Variants in NAALADL2 observed in about 807,000 individuals in gnomAD.
NAALADL2 encodes the protein inactive N-acetylated-alpha-linked acidic dipeptidase-like protein 2.
In NAALADL2, 76 loss-of-function variants were observed where a neutral mutation model predicts 87.2. The ratio of observed to expected loss-of-function variants is 0.87; its 90% CI spans 0.72 to 1.05. The LOEUF (loss-of-function observed/expected upper bound fraction) is 1.05, where lower values mean the gene tolerates loss of function less well. Ranked by LOEUF, NAALADL2 falls within the 50% of genes least tolerant of loss-of-function variation. The pLI, the probability that NAALADL2 is intolerant of heterozygous loss-of-function variation, is 0.00. For missense variants in NAALADL2, 1,089 were observed against 945.8 expected (o/e 1.15, Z -1.99); for synonymous variants, 354 against 331.0 (o/e 1.07, Z -0.75).
At chr3:175,669,240 G>A (rs1037676935) in intron 11 of NAALADL2, among the ~76,000 whole-genome samples, 26 of 152,126 alleles carry the variant, frequency 1.7e-4, no homozygotes, top group East Asian at 1.4e-3. Flanking sequence ...TGAGTTAAAG[G>A]TACTGATGAC....
At chr3:175,627,074 A>G (rs1027980970) in intron 10 of NAALADL2, among the ~76,000 whole-genome samples, 4 of 151,814 alleles carry the variant, frequency 2.6e-5, no homozygotes, top group Non-Finnish European at 4.4e-5. Flanking sequence ...TATTTATTCT[A>G]TCAAACAAGA....
chr3:175,546,375 T>C (rs115284130), intron 9 of NAALADL2, among the ~76,000 whole-genome samples: 4,709 of 152,204 alleles, frequency 0.031, 172 homozygotes, highest in African/African-American at 0.08. Context: ...AATTGGGGCA[T>C]GTAGCGCATT....
chr3:175,003,089 A>T (rs1748462046), intron 1 of NAALADL2, among the ~76,000 whole-genome samples: 1 of 152,216 alleles, frequency 6.6e-6, no homozygotes, highest in African/African-American at 2.4e-5. Flanking sequence ...TATCTGCAAG[A>T]CTTTTTTACC....
At position 175,081,462 on chromosome 3, in the gene NAALADL2, A is replaced by T. The variant is rs574182927; in HGVS notation, c.44-15328A>T. On this transcript the variant is annotated intron_variant, in intron 1 of 13. Coordinates refer to ENST00000454872, the MANE Select transcript of NAALADL2 (RefSeq NM_207015.3). ...TACCAGCTTCTCCTTGATTTATATT[A>T]TTTTGTGAAACTCAAATGTCATGGT... 3.9e-5 allele frequency among the ~76,000 whole-genome samples: 6 copies of T among 152,192 alleles called. No homozygotes were observed. The South Asian group carries it at 1.0e-3, about 26-fold the overall frequency.
At chr3:175,104,426 G>A (rs1030869076) in intron 2 of NAALADL2, among the ~76,000 whole-genome samples, 1 of 152,138 alleles carries the variant, frequency 6.6e-6, no homozygotes, top group Admixed American at 6.6e-5. Context: ...AACATAAGAT[G>A]TTGCTGTTGT....
intron 2 of NAALADL2, among the ~76,000 whole-genome samples, chr3:174,693,829 T>C (rs1728797210): frequency 6.6e-6 from 1 of 152,074 alleles, no homozygotes; most frequent in South Asian, 2.1e-4. Flanking sequence ...TGCGTGCCAC[T>C]CTCCCTCTTC....
intron 1 of NAALADL2, among the ~76,000 whole-genome samples, chr3:174,997,623 A>G (rs1747683488): frequency 6.6e-6 from 1 of 152,060 alleles, no homozygotes; most frequent in Non-Finnish European, 1.5e-5. Context: ...TCAGGGGTTC[A>G]AGACCAGCCT....
At chr3:175,719,137 C>A (rs188814793) in intron 11 of NAALADL2, among the ~76,000 whole-genome samples, 43 of 151,674 alleles carry the variant, frequency 2.8e-4, no homozygotes, top group African/African-American at 9.7e-4. Context: ...ATCAGGTTGT[C>A]AAGCAGGGGT....
At chr3:174,793,143 A>G (rs754982914) in intron 3 of NAALADL2, among the ~76,000 whole-genome samples, 4 of 152,272 alleles carry the variant, frequency 2.6e-5, no homozygotes, top group South Asian at 2.1e-4. Context: ...TAAAGAAACA[A>G]TATTTCAACT....
intron 11 of NAALADL2, among the ~76,000 whole-genome samples, chr3:175,628,592 C>G (rs1020061167): frequency 5.4e-5 from 7 of 129,564 alleles, no homozygotes; most frequent in African/African-American, 3.0e-5. Context: ...CATTTTAGTA[C>G]CATTAAAATA....
chr3:175,536,134 A>G (rs1734786579), intron 9 of NAALADL2, among the ~76,000 whole-genome samples: 1 of 152,232 alleles, frequency 6.6e-6, no homozygotes, highest in South Asian at 2.1e-4. Flanking sequence ...TTCTATAAAA[A>G]TCAGAGGACA....
At chr3:175,563,000 A>G (rs930696652) in intron 9 of NAALADL2, among the ~76,000 whole-genome samples, 1 of 151,686 alleles carries the variant, frequency 6.6e-6, no homozygotes, top group Non-Finnish European at 1.5e-5. Flanking sequence ...TGTAGTAGTA[A>G]TGATAATTTA....
intron 6 of NAALADL2, among the ~76,000 whole-genome samples, chr3:175,450,387 G>C (rs1390294861): frequency 6.6e-6 from 1 of 151,978 alleles, no homozygotes; most frequent in Non-Finnish European, 1.5e-5. Flanking sequence ...CTGATCTTTA[G>C]TGTCAGAAAA....
At chr3:175,651,167 A>G (rs1367293361) in intron 11 of NAALADL2, among the ~76,000 whole-genome samples, 1 of 152,296 alleles carries the variant, frequency 6.6e-6, no homozygotes, top group East Asian at 1.9e-4. Flanking sequence ...TCAAATTTAC[A>G]TTGCCTTTTG....
chr3:174,508,113 G>GTTTTTTTT (rs1560020933), intron 1 of NAALADL2, among the ~76,000 whole-genome samples: 12 of 92,960 alleles, frequency 1.3e-4, no homozygotes, highest in African/African-American at 4.3e-4. Flanking sequence ...GATATCTAGT[G>GTTTTTTTT]GTTTTTTTTT....
At chr3:175,477,080 C>CA (rs1301758276) in intron 9 of NAALADL2, among the ~76,000 whole-genome samples, 1 of 151,996 alleles carries the variant, frequency 6.6e-6, no homozygotes, top group Non-Finnish European at 1.5e-5. Flanking sequence ...AAAAGGCCCA[C>CA]ATCATCTTTC....
At chr3:175,241,705 G>A (rs1478862937) in intron 3 of NAALADL2, among the ~76,000 whole-genome samples, 2 of 152,072 alleles carry the variant, frequency 1.3e-5, no homozygotes, top group African/African-American at 2.4e-5. Context: ...ACCCGTGAAA[G>A]AGAACAGAAG....
intron 2 of NAALADL2, among the ~76,000 whole-genome samples, chr3:175,176,461 A>G (rs1051519145): frequency 9.2e-5 from 14 of 152,170 alleles, no homozygotes; most frequent in Non-Finnish European, 1.8e-4. Context: ...CAATTCTGGT[A>G]GACAGAATAA....
chr3:175,636,238 C>CCTCT (rs987731370), intron 11 of NAALADL2, among the ~76,000 whole-genome samples: 1 of 151,960 alleles, frequency 6.6e-6, no homozygotes, highest in Non-Finnish European at 1.5e-5. Context: ...TCTTGGTAGA[C>CCTCT]CTCTGCACAT....
Sources: gnomAD v4.1 joint callset for allele counts (sites outside exome capture counted in the v4.1 genomes callset) on GRCh38, gnomAD v4.1.1 for gene constraint, MANE v1.5 for transcripts, NCBI Gene and HGNC (gene_info 2026-07-23, HGNC 2026-07-21) for gene names.